CTDSPL: variants seen among roughly 807,000 people sequenced by gnomAD.
CTDSPL encodes the protein CTD small phosphatase like.
Under a neutral mutation model 30.5 loss-of-function variants are expected in CTDSPL, and 8 were observed. The ratio of observed to expected loss-of-function variants is 0.26; its 90% CI spans 0.15 to 0.47. The LOEUF (loss-of-function observed/expected upper bound fraction) is 0.47. Among genes scored for constraint, CTDSPL ranks in the 20% least tolerant of loss-of-function variants. The pLI, the probability that CTDSPL is intolerant of heterozygous loss-of-function variation, is 0.99. For missense variants in CTDSPL, 248 were observed against 366.1 expected (o/e 0.68, Z 2.63); for synonymous variants, 110 against 137.9 (o/e 0.80, Z 1.42).
At chr3:37,914,786 A>T (rs1286607652) in intron 1 of CTDSPL, among the ~76,000 whole-genome samples, 1 of 149,932 alleles carries the variant, frequency 6.7e-6, no homozygotes, top group Non-Finnish European at 1.5e-5. Context: ...TTTTTGTGTC[A>T]TGGTTTGGTT....
rs1286193554 is a variant in CTDSPL at position 37,982,776 on chromosome 3, C to T, written c.*1909C>T. The T allele has an allele frequency of 5.2e-6, 2 of 381,772 alleles. No homozygotes were observed. Among genetic ancestry groups the T allele is most frequent in the Non-Finnish European group, 1.1e-5 (2 of 190,420 alleles). 23.6% of individuals were successfully genotyped at this position (381,772 alleles called of 1,614,324 possible). A position where few individuals can be genotyped will look rare whatever the true frequency, so the allele number is the denominator to read the frequency against. ...TAATGACAGTTACATGGTAGAACTG[C>T]CCATGCCACAAATATTTATTTGGAA... On this transcript the variant is annotated 3_prime_UTR_variant, in exon 8 of 8. Coordinates refer to ENST00000273179, the MANE Select transcript of CTDSPL (RefSeq NM_001008392.2).
chr3:37,938,660 G>GT (rs1247802344), intron 1 of CTDSPL, among the ~76,000 whole-genome samples: 1 of 143,458 alleles, frequency 7.0e-6, no homozygotes, highest in Non-Finnish European at 1.5e-5. Flanking sequence ...AACATTTCAT[G>GT]TTTTTTGTTT....
At position 37,981,558 on chromosome 3, in the gene CTDSPL, G is replaced by C. The variant is rs1699493206; in HGVS notation, c.*691G>C. The C allele has an allele frequency of 1.2e-4, 32 of 270,616 alleles. 2 individuals are homozygous for C. The highest frequency in any genetic ancestry group is 1.0e-3 in the South Asian group (31 of 30,454). The allele number at this position is 270,616 out of a possible 1,614,324, so 16.8% of individuals were successfully genotyped here. On this transcript the variant is annotated 3_prime_UTR_variant, in exon 8 of 8. Coordinates refer to ENST00000273179, the MANE Select transcript of CTDSPL (RefSeq NM_001008392.2). ...ATTGTCTCCACTCATTTTTGACCCA[G>C]TTTGGAATGTATCTGCAATTGTGTG...
intron 1 of CTDSPL, among the ~76,000 whole-genome samples, chr3:37,933,068 G>A (rs1415620835): frequency 4.0e-5 from 6 of 151,180 alleles, no homozygotes; most frequent in Non-Finnish European, 7.4e-5. Flanking sequence ...CAGGAGAATC[G>A]CTTGAACCTG....
Position 37,947,187 on chromosome 3 carries a change from G to A in CTDSPL, c.210G>A (p.Val70=), listed in dbSNP as rs765034463. The A allele has an allele frequency of 1.4e-5, 22 of 1,612,330 alleles. No homozygotes were observed. In the South Asian group the frequency reaches 2.4e-4, roughly 18 times the overall value. ...GCCCCAGTGTGCTTCCGCCACTGGT[G>A]GAGGAGAATGGTGGGCTTCAGAAGG... ...PSSPSVLPPL[V]EENGGLQKGD... The change falls in exon 2 of 8, where the codon GTG becomes GTA. Residue 70 remains valine, a synonymous_variant. Coordinates refer to ENST00000273179, the MANE Select transcript of CTDSPL (RefSeq NM_001008392.2).
chr3:37,937,568 T>C (rs10212167), intron 1 of CTDSPL, among the ~76,000 whole-genome samples: 38,011 of 150,054 alleles, frequency 0.25, 8,390 homozygotes, highest in African/African-American at 0.54. Context: ...CCTCCAGAAT[T>C]GTGAGCCAAA....
chr3:37,891,880 GTGTACATACA>G (rs1169496116), intron 1 of CTDSPL, among the ~76,000 whole-genome samples: 10 of 152,102 alleles, frequency 6.6e-5, no homozygotes, highest in South Asian at 2.1e-4. Context: ...ATATATGTGT[GTGTACATACA>G]TGTACATACA....
At chr3:37,902,445 G>T (rs1213308010) in intron 1 of CTDSPL, among the ~76,000 whole-genome samples, 1 of 152,078 alleles carries the variant, frequency 6.6e-6, no homozygotes, top group Non-Finnish European at 1.5e-5. Flanking sequence ...TTTTCCATGG[G>T]TCTCTGTACT....
intron 1 of CTDSPL, among the ~76,000 whole-genome samples, chr3:37,887,901 G>A (rs1175214144): frequency 1.3e-5 from 2 of 152,220 alleles, no homozygotes; most frequent in South Asian, 2.1e-4. Flanking sequence ...GTATTTCCCA[G>A]CAATAAGGTC....
At chr3:37,870,975 C>A (rs115812771) in intron 1 of CTDSPL, among the ~76,000 whole-genome samples, 1,604 of 152,174 alleles carry the variant, frequency 0.011, 34 homozygotes, top group South Asian at 0.078. Flanking sequence ...CACCCAAGGT[C>A]CAAGAACATA....
At chr3:37,950,845 A>C in intron 2 of CTDSPL, among the ~76,000 whole-genome samples, 1 of 152,236 alleles carries the variant, frequency 6.6e-6, no homozygotes, top group Non-Finnish European at 1.5e-5. Context: ...AAGGAAAACA[A>C]TTATATTAGT....
chr3:37,942,861 A>G (rs556015590), intron 1 of CTDSPL, among the ~76,000 whole-genome samples: 1 of 150,340 alleles, frequency 6.7e-6, no homozygotes, highest in East Asian at 1.9e-4. Context: ...TGGAGCCCAC[A>G]TTCCTAACCA....
intron 1 of CTDSPL, among the ~76,000 whole-genome samples, chr3:37,914,013 A>G (rs758822144): frequency 5.9e-5 from 9 of 152,264 alleles, no homozygotes; most frequent in Non-Finnish European, 1.3e-4. Context: ...TGGAATCTGT[A>G]GGCGAGTTTG....
Position 37,982,752 on chromosome 3 carries a change from A to G in CTDSPL, c.*1885A>G. The G allele has an allele frequency of 2.4e-6, 1 of 422,884 alleles. No homozygotes were observed. The highest frequency in any genetic ancestry group is 1.6e-5 in the South Asian group (1 of 60,634). The allele number at this position is 422,884 out of a possible 1,614,324, so 26.2% of individuals were successfully genotyped here. A position where few individuals can be genotyped will look rare whatever the true frequency, so the allele number is the denominator to read the frequency against. ...CCCCTTGCTAGATATTACCACAGAT[A>G]ATGACAGTTACATGGTAGAACTGCC... On this transcript the variant is annotated 3_prime_UTR_variant, in exon 8 of 8. Transcript: ENST00000273179.
chr3:37,887,984 C>T (rs1698281494), intron 1 of CTDSPL, among the ~76,000 whole-genome samples: 1 of 152,168 alleles, frequency 6.6e-6, no homozygotes, highest in South Asian at 2.1e-4. Context: ...AGTTACATAA[C>T]AGGCTGCAAC....
At chr3:37,949,676 T>G (rs1699086309) in intron 2 of CTDSPL, among the ~76,000 whole-genome samples, 1 of 152,240 alleles carries the variant, frequency 6.6e-6, no homozygotes, top group African/African-American at 2.4e-5. Context: ...CCCTCAGTTT[T>G]CATAAAATCA....
intron 1 of CTDSPL, among the ~76,000 whole-genome samples, chr3:37,929,522 G>A (rs1208048385): frequency 6.6e-6 from 1 of 152,138 alleles, no homozygotes. Flanking sequence ...TTATTCCTAA[G>A]TATTTTATTC....
chr3:37,936,576 G>C (rs1009892000), intron 1 of CTDSPL, among the ~76,000 whole-genome samples: 1 of 149,328 alleles, frequency 6.7e-6, no homozygotes, highest in Admixed American at 6.8e-5. Context: ...CAGAGATTAC[G>C]GCCCAATTCT....
At chr3:37,936,625 G>A (rs1698918611) in intron 1 of CTDSPL, among the ~76,000 whole-genome samples, 1 of 142,560 alleles carries the variant, frequency 7.0e-6, no homozygotes, top group African/African-American at 2.7e-5. Flanking sequence ...AATGTCCCTG[G>A]CCTTCAGAAA....
Sources: gnomAD v4.1 joint callset for allele counts (sites outside exome capture counted in the v4.1 genomes callset) on GRCh38, gnomAD v4.1.1 for gene constraint, MANE v1.5 for transcripts, NCBI Gene and HGNC (gene_info 2026-07-23, HGNC 2026-07-21) for gene names.